Variants in TRPC5 observed in about 807,000 individuals in gnomAD.
TRPC5 encodes short transient receptor potential channel 5.
A neutral mutation model predicts 56.5 loss-of-function variants in TRPC5; 9 were observed. That is an observed-to-expected ratio of 0.16 (90% CI 0.10 to 0.28). The LOEUF (loss-of-function observed/expected upper bound fraction) is 0.28. Ranked by LOEUF, TRPC5 falls within the 10% of genes least tolerant of loss-of-function variation. The pLI is 1.00. For synonymous variants in TRPC5, 282 were observed against 278.5 expected, an observed-to-expected ratio of 1.01 and a Z score of -0.13; for missense variants, 469 against 748.9, an observed-to-expected ratio of 0.63 and a Z score of 4.36.
intron 6 of TRPC5, among the ~76,000 whole-genome samples, chrX:111,837,906 C>CAAAA (rs757607444): frequency 1.2e-4 from 5 of 42,654 alleles, no homozygotes; most frequent in African/African-American, 2.8e-4. Context: ...GCCCCGTTAT[C>CAAAA]AAAAAAAAAA....
intron 3 of TRPC5, among the ~76,000 whole-genome samples, chrX:111,907,536 G>T (rs1350015266): frequency 9.1e-6 from 1 of 109,967 alleles, no homozygotes; most frequent in African/African-American, 3.3e-5. Flanking sequence ...GAGGTGGGAA[G>T]ATTGCTTGAA....
chrX:112,070,005 C>T (rs1020395759), intron 1 of TRPC5, among the ~76,000 whole-genome samples: 2 of 111,664 alleles, frequency 1.8e-5, no homozygotes, highest in Non-Finnish European at 3.8e-5. Context: ...TCCAATGTAC[C>T]GTCTGTCTCT....
chrX:111,922,041 T>C (rs186663325), intron 2 of TRPC5, among the ~76,000 whole-genome samples: 2 of 112,501 alleles, frequency 1.8e-5, no homozygotes, highest in Non-Finnish European at 3.8e-5. Flanking sequence ...GCCTAGAGGA[T>C]AGATCATACT....
At chrX:111,823,530 G>T (rs181065924) in intron 7 of TRPC5, among the ~76,000 whole-genome samples, 1 of 111,266 alleles carries the variant, frequency 9.0e-6, no homozygotes, top group East Asian at 2.8e-4. Flanking sequence ...GTGCTGACCC[G>T]TTTACTCCCT....
chrX:111,777,154 CAT>C (rs958854609), intron 10 of TRPC5, 152 bp from the exon 11 acceptor site: 39 of 448,294 alleles, frequency 8.7e-5, no homozygotes, highest in African/African-American at 2.0e-4. Context: ...ACAAGAAAAA[CAT>C]ATTAATAATT....
At chrX:111,939,972 T>C (rs1926721098) in intron 2 of TRPC5, among the ~76,000 whole-genome samples, 1 of 112,021 alleles carries the variant, frequency 8.9e-6, no homozygotes, top group Non-Finnish European at 1.9e-5. Flanking sequence ...GATGTAACAT[T>C]AGGTCATTTA....
At chrX:111,956,157 C>A (rs1392076973) in intron 1 of TRPC5, among the ~76,000 whole-genome samples, 2 of 112,583 alleles carry the variant, frequency 1.8e-5, no homozygotes, top group Non-Finnish European at 3.8e-5. Flanking sequence ...AAATCCCAGC[C>A]CAGATTTCTG....
chrX:111,841,534 A>T (rs1922732292), intron 6 of TRPC5, among the ~76,000 whole-genome samples: 1 of 112,237 alleles, frequency 8.9e-6, no homozygotes, highest in African/African-American at 3.2e-5. Flanking sequence ...GAGTTAATTC[A>T]CGAAAAGCTG....
chrX:111,965,350 C>T (rs1927531004), intron 1 of TRPC5, among the ~76,000 whole-genome samples: 2 of 111,822 alleles, frequency 1.8e-5, no homozygotes, highest in African/African-American at 3.3e-5. Context: ...AACAAAGAGA[C>T]TTAGACTCCC....
chrX:111,800,933 G>T (rs1921288366), intron 7 of TRPC5, among the ~76,000 whole-genome samples: 1 of 110,871 alleles, frequency 9.0e-6, no homozygotes. Context: ...CCTGTGCATT[G>T]TTCAAGGGTC....
At position 111,775,303 on chromosome X, in the gene TRPC5, T is replaced by A. The variant is rs1354217894; in HGVS notation, c.*1010A>T. ...CAGTTAATTAAAATGAAGATGCTCT[T>A]TTCTCATATTTTGACACTTCAGCAA... On this transcript the variant is annotated 3_prime_UTR_variant, in exon 11 of 11. Coordinates refer to ENST00000262839, the MANE Select transcript of TRPC5 (RefSeq NM_012471.3). 2.7e-5 allele frequency: 3 copies of A among 112,163 alleles called. No individual in the cohort carries two copies. Among genetic ancestry groups the A allele is most frequent in the Non-Finnish European group, 5.6e-5 (3 of 53,272 alleles). The allele number at this position is 112,163 out of a possible 1,213,427, so 9.2% of individuals were successfully genotyped here.
intron 1 of TRPC5, among the ~76,000 whole-genome samples, chrX:112,068,965 G>C (rs779464735): frequency 9.4e-4 from 105 of 111,991 alleles, no homozygotes; most frequent in African/African-American, 3.3e-3. Context: ...GGCTCAGAGA[G>C]GTGATGTGAC....
intron 3 of TRPC5, among the ~76,000 whole-genome samples, chrX:111,912,005 G>T (rs7050529): frequency 3.3e-4 from 37 of 111,667 alleles, no homozygotes; most frequent in African/African-American, 1.1e-3. Flanking sequence ...ATGAAAGCAG[G>T]GTCGGTGTCT....
At chrX:111,880,238 G>A (rs1298293230) in intron 3 of TRPC5, among the ~76,000 whole-genome samples, 3 of 111,569 alleles carry the variant, frequency 2.7e-5, no homozygotes, top group Non-Finnish European at 5.6e-5. Flanking sequence ...GATTTTGTTT[G>A]TAGAATGAGA....
At chrX:111,780,955 C>T (rs753216632) in intron 9 of TRPC5, among the ~76,000 whole-genome samples, 7 of 111,034 alleles carry the variant, frequency 6.3e-5, no homozygotes, top group African/African-American at 2.0e-4. Context: ...CTGATCAAGC[C>T]GAGGCAGTGC....
chrX:111,942,071 T>G (rs1926795897), intron 2 of TRPC5, among the ~76,000 whole-genome samples: 1 of 112,223 alleles, frequency 8.9e-6, no homozygotes, highest in African/African-American at 3.2e-5. Context: ...ACTGCCATTC[T>G]GAGTTTCCCT....
intron 1 of TRPC5, among the ~76,000 whole-genome samples, chrX:112,036,094 T>C (rs1929733477): frequency 9.0e-6 from 1 of 110,908 alleles, no homozygotes; most frequent in Non-Finnish European, 1.9e-5. Context: ...TGTGAAAGCT[T>C]AGAGTCTTCT....
At chrX:112,060,417 A>G (rs2147739241) in intron 1 of TRPC5, among the ~76,000 whole-genome samples, 1 of 112,625 alleles carries the variant, frequency 8.9e-6, no homozygotes, top group South Asian at 3.7e-4. Context: ...TAATAGTAAT[A>G]TTCTTTTGAA....
At position 111,773,433 on chromosome X, in the gene TRPC5, A is replaced by G. The variant is rs1306671929; in HGVS notation, c.*2880T>C. 8.9e-6 allele frequency among the ~76,000 whole-genome samples: 1 copy of G among 111,886 alleles called. No individual in the cohort carries two copies. The highest frequency in any genetic ancestry group is 1.9e-5 in the Non-Finnish European group (1 of 53,131). On this transcript the variant is annotated 3_prime_UTR_variant, in exon 11 of 11. Coordinates refer to ENST00000262839, the MANE Select transcript of TRPC5 (RefSeq NM_012471.3). ...AATGTAGGTGGAACATGATATGGATATTTTAGATAAGTAGTAAATGATTTT... is the reference window on the plus strand; with the variant it reads ...AATGTAGGTGGAACATGATATGGATGTTTTAGATAAGTAGTAAATGATTTT...
Sources: gnomAD v4.1 joint callset for allele counts (sites outside exome capture counted in the v4.1 genomes callset) on GRCh38, gnomAD v4.1.1 for gene constraint, MANE v1.5 for transcripts, NCBI Gene and HGNC (gene_info 2026-07-23, HGNC 2026-07-21) for gene names.